Variants in AK5 observed in about 807,000 individuals in gnomAD.
The protein encoded by AK5 is adenylate kinase isoenzyme 5.
A neutral mutation model predicts 69.5 loss-of-function variants in AK5; 27 were observed. The ratio of observed to expected loss-of-function variants is 0.39; its 90% confidence interval spans 0.29 to 0.54. The LOEUF is 0.54. Among genes scored for constraint, AK5 ranks in the 20% least tolerant of loss-of-function variants. The probability of loss-of-function intolerance (pLI) is 0.71; values close to 1 mark genes in which losing one functional copy is unlikely to be tolerated. For synonymous variants in AK5, 260 were observed against 244.4 expected (o/e 1.06, Z -0.60); for missense variants, 531 against 700.4 (o/e 0.76, Z 2.73).
chr1:77,547,904 A>G (rs1243809411), intron 13 of AK5, among the ~76,000 whole-genome samples: 2 of 152,208 alleles, frequency 1.3e-5, no homozygotes, highest in East Asian at 3.9e-4. Flanking sequence ...ACCATATTGC[A>G]TAGTTCTAGA....
At chr1:77,523,831 A>G (rs1170551761) in intron 12 of AK5, among the ~76,000 whole-genome samples, 1 of 151,888 alleles carries the variant, frequency 6.6e-6, no homozygotes, top group African/African-American at 2.4e-5. Flanking sequence ...ACCCAGCTAA[A>G]CTTTTTGATT....
chr1:77,435,106 C>T (rs1052860316), intron 8 of AK5, among the ~76,000 whole-genome samples: 3 of 151,946 alleles, frequency 2.0e-5, no homozygotes, highest in Non-Finnish European at 4.4e-5. Context: ...CAGGAGCTGA[C>T]GAAAAAGTTG....
intron 6 of AK5, among the ~76,000 whole-genome samples, chr1:77,366,593 A>G: frequency 6.6e-6 from 1 of 152,142 alleles, no homozygotes; most frequent in East Asian, 1.9e-4. Flanking sequence ...AGGGTTGCAA[A>G]GCTTTATTTT....
chr1:77,497,256 T>C (rs10873945), intron 10 of AK5, among the ~76,000 whole-genome samples: 84,541 of 151,068 alleles, frequency 0.56, 25,015 homozygotes, highest in Non-Finnish European at 0.67. Context: ...CCCGAGACCA[T>C]GAACCCACCG....
intron 6 of AK5, among the ~76,000 whole-genome samples, chr1:77,351,999 G>A (rs980670931): frequency 4.9e-5 from 7 of 143,594 alleles, no homozygotes; most frequent in Admixed American, 7.4e-5. Flanking sequence ...GTGCAATCTC[G>A]GCTCACTGCA....
intron 2 of AK5, 75 bp from the exon 3 acceptor site, chr1:77,293,718 T>TAAATTTTTAAAAAA: frequency 7.7e-7 from 1 of 1,292,124 alleles, no homozygotes; most frequent in South Asian, 1.6e-5. Context: ...AAATTGCTTT[T>TAAATTTTTAAAAAA]ACTAACTGTT....
intron 9 of AK5, among the ~76,000 whole-genome samples, chr1:77,484,987 C>G (rs1655496662): frequency 6.6e-6 from 1 of 152,136 alleles, no homozygotes; most frequent in Non-Finnish European, 1.5e-5. Flanking sequence ...AAAAAAATCA[C>G]AATAATAACC....
intron 10 of AK5, among the ~76,000 whole-genome samples, chr1:77,517,892 AT>A (rs1657758822): frequency 6.6e-6 from 1 of 152,152 alleles, no homozygotes; most frequent in Non-Finnish European, 1.5e-5. Context: ...AATTGGGACA[AT>A]TCAGTTGAAA....
intron 10 of AK5, among the ~76,000 whole-genome samples, chr1:77,507,881 A>G (rs1325091457): frequency 6.6e-6 from 1 of 152,182 alleles, no homozygotes; most frequent in Non-Finnish European, 1.5e-5. Context: ...AAAATATTTC[A>G]AACATACAGC....
chr1:77,486,929 T>C (rs1557628779), intron 10 of AK5, among the ~76,000 whole-genome samples: 2 of 152,232 alleles, frequency 1.3e-5, no homozygotes, highest in Non-Finnish European at 2.9e-5. Flanking sequence ...AGGTAAGAGG[T>C]TGTCATGTAT....
At chr1:77,312,044 G>T (rs1446150766) in intron 5 of AK5, among the ~76,000 whole-genome samples, 2 of 152,040 alleles carry the variant, frequency 1.3e-5, no homozygotes, top group East Asian at 1.9e-4. Flanking sequence ...CGTTATTTTC[G>T]GCCAGAAGGG....
At chr1:77,538,319 A>C (rs917055121) in intron 13 of AK5, among the ~76,000 whole-genome samples, 1 of 151,676 alleles carries the variant, frequency 6.6e-6, no homozygotes, top group Non-Finnish European at 1.5e-5. Context: ...AGCCTGGGCA[A>C]CAGAGCAAGA....
intron 5 of AK5, among the ~76,000 whole-genome samples, chr1:77,306,917 A>G (rs968497508): frequency 6.6e-6 from 1 of 152,008 alleles, no homozygotes; most frequent in Non-Finnish European, 1.5e-5. Flanking sequence ...TTGAATTTCT[A>G]CAGTATCAGT....
At chr1:77,433,101 G>A (rs888458555) in intron 8 of AK5, among the ~76,000 whole-genome samples, 7 of 152,092 alleles carry the variant, frequency 4.6e-5, no homozygotes, top group South Asian at 2.1e-4. Context: ...CTTCTAAGGC[G>A]GCAAGCACAG....
chr1:77,287,931 T>C (rs1238895849), intron 2 of AK5, among the ~76,000 whole-genome samples: 1 of 152,114 alleles, frequency 6.6e-6, no homozygotes, highest in African/African-American at 2.4e-5. Flanking sequence ...TTCAATCTTG[T>C]CTACCTATTA....
chr1:77,439,136 A>AAG (rs1055078977), intron 8 of AK5, among the ~76,000 whole-genome samples: 7 of 152,170 alleles, frequency 4.6e-5, no homozygotes, highest in Admixed American at 3.3e-4. Context: ...AATCCTAAAT[A>AAG]AGAGAGAGAG....
At chr1:77,462,191 G>GTTTTT (rs1185275110) in intron 8 of AK5, among the ~76,000 whole-genome samples, 1 of 152,148 alleles carries the variant, frequency 6.6e-6, no homozygotes, top group African/African-American at 2.4e-5. Flanking sequence ...TAAACTTTTA[G>GTTTTT]CATTACAACT....
intron 5 of AK5, among the ~76,000 whole-genome samples, chr1:77,324,729 G>A (rs1437858210): frequency 6.6e-6 from 1 of 151,858 alleles, no homozygotes; most frequent in Non-Finnish European, 1.5e-5. Context: ...CCTCCTCCTG[G>A]AAGTAGGGTT....
chr1:77,558,459 A>G (rs1402204161), intron 13 of AK5, 143 bp from the exon 14 acceptor site: 2 of 541,718 alleles, frequency 3.7e-6, no homozygotes, highest in Non-Finnish European at 6.5e-6. Context: ...ACTACTCTTC[A>G]CTTTTTTCTC....
Sources: allele counts gnomAD v4.1 joint callset (sites outside exome capture counted in the v4.1 genomes callset), GRCh38; gene constraint gnomAD v4.1.1; transcripts MANE v1.5; gene names NCBI Gene and HGNC (gene_info 2026-07-23, HGNC 2026-07-21).